Variants in EXOC2 observed in about 807,000 individuals in gnomAD.
The protein encoded by EXOC2 is SEC5-like 1.
EXOC2 carries 70 observed loss-of-function variants against 131.8 expected under a neutral mutation model. The ratio of observed to expected loss-of-function variants is 0.53; its 90% CI spans 0.44 to 0.65. The LOEUF (loss-of-function observed/expected upper bound fraction) is 0.65, where lower values mean the gene tolerates loss of function less well. EXOC2 is among the 30% of genes least tolerant of loss of function. EXOC2 has a pLI of 0.00. For synonymous variants in EXOC2, 411 were observed against 398.4 expected (o/e 1.03, Z -0.38); for missense variants, 923 against 1,108.6 (o/e 0.83, Z 2.38).
At chr6:516,057 G>A (rs375374916) in intron 23 of EXOC2, among the ~76,000 whole-genome samples, 14 of 152,146 alleles carry the variant, frequency 9.2e-5, no homozygotes, top group African/African-American at 3.4e-4. Flanking sequence ...AAAGCAGAAC[G>A]TTTTTCAGTT....
intron 1 of EXOC2, chr6:679,478 C>G (rs1764300661): frequency 6.6e-6 from 1 of 152,184 alleles, no homozygotes; most frequent in South Asian, 2.1e-4. Context: ...ACACAGCTCC[C>G]ACGGATCGCT....
At chr6:593,290 GT>G (rs1316860554) in intron 10 of EXOC2, among the ~76,000 whole-genome samples, 2 of 115,938 alleles carry the variant, frequency 1.7e-5, no homozygotes, top group Admixed American at 8.5e-5. Flanking sequence ...AATTTCAGAT[GT>G]TTTTTAATTC....
At chr6:660,457 T>C (rs9504650) in intron 1 of EXOC2, among the ~76,000 whole-genome samples, 3,514 of 152,124 alleles carry the variant, frequency 0.023, 159 homozygotes, top group African/African-American at 0.08. Flanking sequence ...TGAGAGACCA[T>C]AGATGGTTCA....
chr6:514,075 G>C (rs577583310), intron 23 of EXOC2, among the ~76,000 whole-genome samples: 1 of 152,318 alleles, frequency 6.6e-6, no homozygotes, highest in South Asian at 2.1e-4. Context: ...AATGCTCCTT[G>C]ACGGCTGTAG....
At chr6:566,939 C>A (rs763384495) in intron 13 of EXOC2, among the ~76,000 whole-genome samples, 3 of 152,164 alleles carry the variant, frequency 2.0e-5, no homozygotes, top group Non-Finnish European at 4.4e-5. Context: ...GAGCCCACTG[C>A]GAGCAACGTC....
At chr6:636,101 C>A (rs192860308) in intron 2 of EXOC2, among the ~76,000 whole-genome samples, 1 of 152,162 alleles carries the variant, frequency 6.6e-6, no homozygotes, top group Admixed American at 6.5e-5. Flanking sequence ...AAGTAATACA[C>A]GCTTAGTCAA....
intron 27 of EXOC2, among the ~76,000 whole-genome samples, chr6:487,455 G>A (rs1270865600): frequency 1.3e-5 from 2 of 152,014 alleles, no homozygotes; most frequent in African/African-American, 2.4e-5. Flanking sequence ...CGCCCAGGCT[G>A]GAGTGCAGTG....
chr6:647,844 T>C (rs1157061004), intron 1 of EXOC2, among the ~76,000 whole-genome samples: 1 of 151,798 alleles, frequency 6.6e-6, no homozygotes, highest in Admixed American at 6.6e-5. Flanking sequence ...CTAAAAGTAA[T>C]GTCTGGTCAT....
At chr6:570,479 A>G (rs962549436) in intron 13 of EXOC2, among the ~76,000 whole-genome samples, 1 of 152,186 alleles carries the variant, frequency 6.6e-6, no homozygotes, top group Non-Finnish European at 1.5e-5. Context: ...TCAGCTTGAC[A>G]TTATTCAATT....
At chr6:555,809 C>T (rs1757387251) in intron 19 of EXOC2, 145 bp downstream of exon 19, 2 of 765,810 alleles carry the variant, frequency 2.6e-6, no homozygotes, top group East Asian at 5.6e-5. Flanking sequence ...TTGTTACCCA[C>T]TTACCTTAAA....
intron 1 of EXOC2, among the ~76,000 whole-genome samples, chr6:647,380 A>G (rs1182147818): frequency 6.6e-6 from 1 of 151,496 alleles, no homozygotes; most frequent in African/African-American, 2.4e-5. Flanking sequence ...TTTGATTATC[A>G]GCAGGGGTGG....
intron 1 of EXOC2, among the ~76,000 whole-genome samples, chr6:661,568 G>C (rs1428066996): frequency 1.3e-5 from 2 of 152,192 alleles, no homozygotes; most frequent in African/African-American, 4.8e-5. Context: ...GAAAGATACA[G>C]TTGTTTTCAA....
At chr6:530,000 A>G (rs976148135) in intron 23 of EXOC2, among the ~76,000 whole-genome samples, 36 of 152,262 alleles carry the variant, frequency 2.4e-4, no homozygotes, top group African/African-American at 8.7e-4. Flanking sequence ...GATGTGTTAG[A>G]TACACTTGAC....
chr6:534,956 G>C (rs888941207), intron 22 of EXOC2, among the ~76,000 whole-genome samples: 9 of 152,124 alleles, frequency 5.9e-5, no homozygotes, highest in Non-Finnish European at 1.2e-4. Context: ...ACAATGAAGA[G>C]ATAACATATC....
Position 487,408 on chromosome 6 carries a change from A to AT in EXOC2, c.2682-645dup, listed in dbSNP as rs199676213. Among the ~76,000 whole-genome samples the AT allele has an allele frequency of 6.9e-3, 1,046 of 152,000 alleles. 16 individuals are homozygous for AT. The highest frequency in any genetic ancestry group is 0.024 in the African/African-American group (979 of 41,436). ...CCAACTGATGTGATACAGTCATCTA[A>AT]TTTTTTTTCTTTTTTTCAGATGGAG... On this transcript the variant is annotated intron_variant, in intron 27 of 27. Transcript: ENST00000230449.
chr6:509,997 T>A (rs911022089), intron 23 of EXOC2, among the ~76,000 whole-genome samples: 1 of 152,198 alleles, frequency 6.6e-6, no homozygotes, highest in East Asian at 1.9e-4. Context: ...TACTTTTTTT[T>A]ATTGTCAAAC....
intron 22 of EXOC2, among the ~76,000 whole-genome samples, chr6:538,029 G>A (rs1004287961): frequency 6.6e-6 from 1 of 152,126 alleles, no homozygotes; most frequent in Non-Finnish European, 1.5e-5. Flanking sequence ...TAAGATTTGT[G>A]TCTTTTACTG....
At chr6:575,456 A>ATTCCCTCTCCATCCTCTCCCTCG (rs1233655473) in intron 12 of EXOC2, among the ~76,000 whole-genome samples, 3 of 97,598 alleles carry the variant, frequency 3.1e-5, no homozygotes, top group African/African-American at 1.0e-4. Context: ...CCTCTCCCTC[A>ATTCCCTCTCCATCCTCTCCCTCG]CTCCCTCTCC....
Position 639,060 on chromosome 6 carries a change from T to C in EXOC2, c.-43-1199A>G, listed in dbSNP as rs149192875. 2.0e-3 allele frequency among the ~76,000 whole-genome samples: 298 copies of C among 152,318 alleles called. 2 individuals are homozygous for C. The highest frequency in any genetic ancestry group is 7.0e-3 in the African/African-American group (292 of 41,576). ...GACTTGCTGGTGACCTGTATCTTTA[T>C]GGACTAAAAAGTTAGATTCCCTGGC... On this transcript the variant is annotated intron_variant, in intron 1 of 27. Coordinates refer to ENST00000230449, the MANE Select transcript of EXOC2 (RefSeq NM_018303.6).
Sources: allele counts gnomAD v4.1 joint callset (sites outside exome capture counted in the v4.1 genomes callset), GRCh38; gene constraint gnomAD v4.1.1; transcripts MANE v1.5; gene names NCBI Gene and HGNC (gene_info 2026-07-23, HGNC 2026-07-21).